ZMIZ1: variants seen among roughly 807,000 people sequenced by gnomAD.
ZMIZ1 encodes the protein zinc finger MIZ-type containing 1.
ZMIZ1 carries 17 observed loss-of-function variants against 113.9 expected under a neutral mutation model. The observed-to-expected ratio is 0.15, with a 90% CI of 0.10 to 0.22. ZMIZ1 has a LOEUF of 0.22. Ranked by LOEUF, ZMIZ1 falls within the 10% of genes least tolerant of loss-of-function variation. The pLI is 1.00. For synonymous variants in ZMIZ1, 607 were observed against 603.1 expected (o/e 1.01, Z -0.09); for missense variants, 1,059 against 1,477.8 (o/e 0.72, Z 4.65).
At chr10:79,308,974 C>G (rs898590296) in intron 23 of ZMIZ1, among the ~76,000 whole-genome samples, 2 of 152,208 alleles carry the variant, frequency 1.3e-5, no homozygotes, top group Admixed American at 1.3e-4. Flanking sequence ...AAGATGCTCT[C>G]TAGATGGTCC....
intron 4 of ZMIZ1, among the ~76,000 whole-genome samples, chr10:79,190,733 G>T (rs1386889714): frequency 1.3e-5 from 2 of 152,144 alleles, no homozygotes; most frequent in Non-Finnish European, 2.9e-5. Flanking sequence ...TCCACAAACT[G>T]AAATAATACT....
At chr10:79,288,480 G>GTT (rs1377449687) in intron 8 of ZMIZ1, among the ~76,000 whole-genome samples, 1 of 152,142 alleles carries the variant, frequency 6.6e-6, no homozygotes, top group African/African-American at 2.4e-5. Context: ...GCTCTTTCCT[G>GTT]TTGCCCGGCC....
intron 3 of ZMIZ1, among the ~76,000 whole-genome samples, chr10:79,152,785 C>T (rs1196220044): frequency 6.6e-6 from 1 of 152,260 alleles, no homozygotes; most frequent in Admixed American, 6.5e-5. Flanking sequence ...ACACCACCCA[C>T]CTTATAGAAT....
intron 10 of ZMIZ1, among the ~76,000 whole-genome samples, chr10:79,291,416 C>T (rs1332958374): frequency 6.6e-6 from 1 of 152,242 alleles, no homozygotes; most frequent in African/African-American, 2.4e-5. Flanking sequence ...AGAGAGGTGA[C>T]ATTCTTACTC....
intron 4 of ZMIZ1, among the ~76,000 whole-genome samples, chr10:79,193,505 C>A (rs568420251): frequency 6.6e-6 from 1 of 152,256 alleles, no homozygotes; most frequent in Admixed American, 6.5e-5. Context: ...TCATGTACAC[C>A]CAGCAATGGG....
intron 4 of ZMIZ1, among the ~76,000 whole-genome samples, chr10:79,177,981 T>C (rs1313625219): frequency 6.6e-6 from 1 of 152,182 alleles, no homozygotes; most frequent in Non-Finnish European, 1.5e-5. Flanking sequence ...GTGCTCCTAT[T>C]AGACATGATC....
chr10:79,208,293 C>G, intron 5 of ZMIZ1, 43 bp from the exon 6 acceptor site: 3 of 1,580,636 alleles, frequency 1.9e-6, no homozygotes, highest in South Asian at 1.1e-5. Flanking sequence ...CTGTGCTACC[C>G]TCACTCTTGG....
intron 4 of ZMIZ1, among the ~76,000 whole-genome samples, chr10:79,178,151 C>T (rs936573203): frequency 1.4e-4 from 21 of 152,132 alleles, no homozygotes; most frequent in African/African-American, 4.1e-4. Context: ...GCAGCTTGGC[C>T]GGGACCCTCA....
intron 8 of ZMIZ1, chr10:79,285,409 C>G (rs545161632): frequency 1.1e-5 from 5 of 453,264 alleles, no homozygotes; most frequent in African/African-American, 6.0e-5. Flanking sequence ...TTAACCCTCA[C>G]GGCAGCCTTC....
At chr10:79,280,118 G>A (rs1473931619) in intron 8 of ZMIZ1, among the ~76,000 whole-genome samples, 1 of 151,778 alleles carries the variant, frequency 6.6e-6, no homozygotes, top group African/African-American at 2.4e-5. Context: ...CTTCCAAGTA[G>A]CTGGGACCAC....
chr10:79,231,534 A>G (rs1234376185), intron 7 of ZMIZ1, among the ~76,000 whole-genome samples: 1 of 151,052 alleles, frequency 6.6e-6, no homozygotes, highest in African/African-American at 2.4e-5. Flanking sequence ...GTGAGCCACC[A>G]TGCCCAGCCT....
chr10:79,265,915 G>A (rs1851573576), intron 7 of ZMIZ1, among the ~76,000 whole-genome samples: 1 of 152,190 alleles, frequency 6.6e-6, no homozygotes, highest in Non-Finnish European at 1.5e-5. Context: ...AGCCCAACAG[G>A]GTGAGCTCTC....
At chr10:79,202,380 G>A (rs973678959) in intron 5 of ZMIZ1, among the ~76,000 whole-genome samples, 2 of 151,782 alleles carry the variant, frequency 1.3e-5, no homozygotes, top group African/African-American at 4.8e-5. Context: ...AAGGGAGGAG[G>A]ATCACTTGAA....
At chr10:79,243,317 T>G in intron 7 of ZMIZ1, among the ~76,000 whole-genome samples, 1 of 149,332 alleles carries the variant, frequency 6.7e-6, no homozygotes, top group African/African-American at 2.4e-5. Context: ...GAGCTGTCGC[T>G]TGCGCCCGGG....
At chr10:79,290,712 C>T (rs1489037897) in intron 9 of ZMIZ1, 1 of 684,068 alleles carries the variant, frequency 1.5e-6, no homozygotes. Context: ...CTTTGTGGGG[C>T]TTGGTCATAC....
intron 6 of ZMIZ1, among the ~76,000 whole-genome samples, chr10:79,210,083 G>A (rs562993674): frequency 6.6e-6 from 1 of 152,310 alleles, no homozygotes; most frequent in African/African-American, 2.4e-5. Flanking sequence ...TCCTCTTTGT[G>A]GGGATCTGGT....
chr10:79,224,699 G>A (rs1399262098), intron 7 of ZMIZ1, among the ~76,000 whole-genome samples: 3 of 152,236 alleles, frequency 2.0e-5, no homozygotes, highest in African/African-American at 7.2e-5. Flanking sequence ...GTGAGTAGGA[G>A]TAGGCATTAA....
chr10:79,270,980 C>T (rs1851914907), intron 7 of ZMIZ1, among the ~76,000 whole-genome samples: 1 of 152,198 alleles, frequency 6.6e-6, no homozygotes, highest in African/African-American at 2.4e-5. Context: ...CGCCTTGCCA[C>T]CAGCTGAAGC....
chr10:79,099,784 G>C (rs1031058632), intron 1 of ZMIZ1, among the ~76,000 whole-genome samples: 13 of 152,136 alleles, frequency 8.5e-5, no homozygotes, highest in Admixed American at 8.5e-4. Flanking sequence ...CCAGAGGAGC[G>C]GGGGCTGGGT....
Sources: gnomAD v4.1 joint callset for allele counts (sites outside exome capture counted in the v4.1 genomes callset) on GRCh38, gnomAD v4.1.1 for gene constraint, MANE v1.5 for transcripts, NCBI Gene and HGNC (gene_info 2026-07-23, HGNC 2026-07-21) for gene names.